The following SLC16A12 variants were observed in gnomAD, a reference collection of about 807,000 sequenced individuals.
SLC16A12 encodes solute carrier family 16 member 12, also known as monocarboxylate transporter 12.
SLC16A12 carries 17 observed loss-of-function variants against 42.4 expected under a neutral mutation model. That is an observed-to-expected ratio of 0.40 (90% CI 0.27 to 0.60). The LOEUF (loss-of-function observed/expected upper bound fraction) is 0.60, where lower values mean the gene tolerates loss of function less well. Among genes scored for constraint, SLC16A12 ranks in the 20% least tolerant of loss-of-function variants. The pLI is 0.42. For missense variants in SLC16A12, 544 were observed against 623.0 expected, an observed-to-expected ratio of 0.87 and a Z score of 1.35; for synonymous variants, 224 against 229.4, an observed-to-expected ratio of 0.98 and a Z score of 0.21.
chr10:89,456,118 C>T (rs1842185299), intron 3 of SLC16A12: 1 of 152,236 alleles, frequency 6.6e-6, no homozygotes, highest in Non-Finnish European at 1.5e-5. Flanking sequence ...CTGGGCACTG[C>T]AGCCTAGTGG....
At chr10:89,442,513 C>T (rs114404493) in intron 4 of SLC16A12, among the ~76,000 whole-genome samples, 1 of 152,092 alleles carries the variant, frequency 6.6e-6, no homozygotes, top group Non-Finnish European at 1.5e-5. Context: ...TCACTTTTAT[C>T]CTCTGAGAAG....
chr10:89,530,569 CA>C (rs1843532699), intron 2 of SLC16A12, among the ~76,000 whole-genome samples: 1 of 152,066 alleles, frequency 6.6e-6, no homozygotes. Flanking sequence ...AGGCGCCTAC[CA>C]CCACGCCCGG....
chr10:89,522,905 C>T (rs554546563), intron 2 of SLC16A12, among the ~76,000 whole-genome samples: 2 of 152,204 alleles, frequency 1.3e-5, no homozygotes, highest in African/African-American at 2.4e-5. Context: ...ATTTTGTAGA[C>T]ACAAGTGAGA....
intron 2 of SLC16A12, among the ~76,000 whole-genome samples, chr10:89,486,660 AAAGAAAAG>A (rs1303695736): frequency 0.018 from 1,898 of 105,248 alleles, 10 homozygotes; most frequent in African/African-American, 0.027. Flanking sequence ...AGAAAGAAAG[AAAGAAAAG>A]AAAGAAAGAA....
At chr10:89,504,093 C>T (rs1480483491) in intron 2 of SLC16A12, among the ~76,000 whole-genome samples, 1 of 151,738 alleles carries the variant, frequency 6.6e-6, no homozygotes, top group African/African-American at 2.4e-5. Flanking sequence ...CATGAGGCCT[C>T]AAAATTAGTC....
intron 2 of SLC16A12, among the ~76,000 whole-genome samples, chr10:89,555,154 G>A (rs1211857259): frequency 6.6e-6 from 1 of 151,488 alleles, no homozygotes; most frequent in Admixed American, 6.6e-5. Context: ...AAGCAAATTA[G>A]TATTTAAGAG....
upstream of SLC16A12, among the ~76,000 whole-genome samples, chr10:89,539,457 A>G (rs971030804): frequency 6.6e-6 from 1 of 152,182 alleles, no homozygotes; most frequent in Non-Finnish European, 1.5e-5. Context: ...ATCCTATTGC[A>G]CCATGGTTCA....
chr10:89,490,374 T>C (rs949715387), intron 2 of SLC16A12, among the ~76,000 whole-genome samples: 1 of 151,612 alleles, frequency 6.6e-6, no homozygotes, highest in African/African-American at 2.4e-5. Flanking sequence ...ATCCCACAAG[T>C]TAAGGGGCTC....
rs1243218479 is a variant in SLC16A12 at position 89,432,411 on chromosome 10, T to C, written c.*653A>G. The C allele has an allele frequency of 2.6e-5, 4 of 152,230 alleles. No individual in the cohort carries two copies. The highest frequency in any genetic ancestry group is 5.9e-5 in the Non-Finnish European group (4 of 68,068). The allele number at this position is 152,230 out of a possible 1,614,324, so 9.4% of individuals were successfully genotyped here. On this transcript the variant is annotated 3_prime_UTR_variant, in exon 8 of 8. Coordinates refer to ENST00000371790, the MANE Select transcript of SLC16A12 (RefSeq NM_213606.4). ...TCCAACCATGGCATTCCATGATTATTTGGATTCTCATAGTGGTGTCTACCC... is the reference window on the plus strand; with the variant it reads ...TCCAACCATGGCATTCCATGATTATCTGGATTCTCATAGTGGTGTCTACCC...
At chr10:89,510,823 A>T (rs1345934869) in intron 2 of SLC16A12, among the ~76,000 whole-genome samples, 1 of 152,332 alleles carries the variant, frequency 6.6e-6, no homozygotes, top group East Asian at 1.9e-4. Context: ...AATTTTTGAA[A>T]TCTATCCATC....
intron 2 of SLC16A12, among the ~76,000 whole-genome samples, chr10:89,479,776 A>G (rs1261932898): frequency 6.6e-6 from 1 of 152,194 alleles, no homozygotes; most frequent in Non-Finnish European, 1.5e-5. Context: ...TGCCTCCATG[A>G]GCCTTACATA....
chr10:89,493,219 CTTT>C (rs35163833), intron 2 of SLC16A12, among the ~76,000 whole-genome samples: 11 of 140,530 alleles, frequency 7.8e-5, no homozygotes, highest in Non-Finnish European at 1.1e-4. Context: ...TTTTTTCTTT[CTTT>C]TTTTTTTTTT....
intron 7 of SLC16A12, among the ~76,000 whole-genome samples, chr10:89,435,714 TC>T (rs1348878438): frequency 1.3e-5 from 2 of 152,130 alleles, no homozygotes; most frequent in Non-Finnish European, 2.9e-5. Context: ...CCTGTTGGAA[TC>T]CTGTTCTCCC....
intron 2 of SLC16A12, among the ~76,000 whole-genome samples, chr10:89,527,741 C>G (rs1160631939): frequency 2.6e-5 from 4 of 151,094 alleles, no homozygotes; most frequent in African/African-American, 9.7e-5. Context: ...TAGTTCAAGG[C>G]TGCAATGAAC....
rs939355264 is a variant in SLC16A12, at chr10:89,431,563, T to A, written c.*1501A>T. ...GGATCATCCTCATTGCTGTTTTTTT[T>A]CCCCCAGCACTTGTGAGGCCTTGTA... On this transcript the variant is annotated 3_prime_UTR_variant, in exon 8 of 8. Transcript: ENST00000371790. 6.6e-6 allele frequency: 1 copy of A among 152,190 alleles called. No homozygotes were observed. Among genetic ancestry groups the A allele is most frequent in the African/African-American group, 2.4e-5 (1 of 41,428 alleles). 9.4% of individuals were successfully genotyped at this position (152,190 alleles called of 1,614,324 possible). A position where few individuals can be genotyped will look rare whatever the true frequency, so the allele number is the denominator to read the frequency against.
chr10:89,439,196 A>ACCTGAG lies in SLC16A12; in HGVS notation c.449-14_449-13insCTCAGG. On this transcript the variant is annotated splice_polypyrimidine_tract_variant and intron_variant, in intron 5 of 7. Transcript: ENST00000371790. ...GCAAATCCAAGACCTGAGGATAAAG[A>ACCTGAG]GAACTCTATGAGTGCTGAAGTACCA... 2 of 1,612,748 alleles carry ACCTGAG rather than the reference A, an allele frequency of 1.2e-6. No homozygotes were observed. The highest frequency in any genetic ancestry group is 1.7e-6 in the Non-Finnish European group (2 of 1,178,926).
Position 89,439,037 on chromosome 10 carries a change from C to A in SLC16A12, c.595G>T (p.Glu199Ter). Residue 199 changes from glutamate to a stop codon, truncating the protein, a stop_gained, in exon 6 of 8, where the codon GAA (glutamate) becomes TAA (stop). Coordinates refer to ENST00000371790, the MANE Select transcript of SLC16A12 (RefSeq NM_213606.4). LOFTEE classifies it high-confidence loss of function. ...AAGGCTCCCCGCCAGGAAAACTGTT[C>A]AATAAGGAGCTGAACCACAGGAGCC... ...ILAPVVQLLI[E>*]QFSWRGALLI... 6.2e-7 allele frequency: 1 copy of A among 1,613,908 alleles called. No individual in the cohort carries two copies. The highest frequency in any genetic ancestry group is 8.5e-7 in the Non-Finnish European group (1 of 1,179,912).
At chr10:89,503,602 A>T (rs182370212) in intron 2 of SLC16A12, among the ~76,000 whole-genome samples, 1 of 152,236 alleles carries the variant, frequency 6.6e-6, no homozygotes, top group Non-Finnish European at 1.5e-5. Flanking sequence ...TAAAGAAGAG[A>T]TGTGGACAGG....
At chr10:89,527,602 C>T (rs1843475423) in intron 2 of SLC16A12, among the ~76,000 whole-genome samples, 1 of 151,478 alleles carries the variant, frequency 6.6e-6, no homozygotes, top group African/African-American at 2.4e-5. Context: ...TTAAGTCCAG[C>T]CTGGAAAAAC....
Sources: gnomAD v4.1 joint callset for allele counts (sites outside exome capture counted in the v4.1 genomes callset) on GRCh38, gnomAD v4.1.1 for gene constraint, MANE v1.5 for transcripts, NCBI Gene and HGNC (gene_info 2026-07-23, HGNC 2026-07-21) for gene names.